ULK4: variants seen among roughly 807,000 people sequenced by gnomAD.
ULK4 encodes the protein unc-51 like kinase 4.
Under a neutral mutation model 160.6 loss-of-function variants are expected in ULK4, and 133 were observed. That is an observed-to-expected ratio of 0.83 (90% CI 0.72 to 0.96). ULK4 has a LOEUF of 0.96. Among genes scored for constraint, ULK4 ranks in the 40% least tolerant of loss-of-function variants. The pLI is 0.00. For missense variants in ULK4, 1,580 were observed against 1,499.5 expected, an observed-to-expected ratio of 1.05 and a Z score of -0.89; for synonymous variants, 534 against 539.8, an observed-to-expected ratio of 0.99 and a Z score of 0.15.
chr3:41,414,002 C>T (rs2082471335), intron 34 of ULK4, among the ~76,000 whole-genome samples: 1 of 152,102 alleles, frequency 6.6e-6, no homozygotes, highest in Admixed American at 6.5e-5. Context: ...GTCAGGAGTT[C>T]GAGACCAGCC....
intron 9 of ULK4, among the ~76,000 whole-genome samples, 168 bp downstream of exon 9, chr3:41,912,639 A>C (rs1698829377): frequency 6.6e-6 from 1 of 152,230 alleles, no homozygotes; most frequent in Admixed American, 6.5e-5. Context: ...CAAGAACATA[A>C]AAATATCATG....
chr3:41,915,288 A>G (rs146610470), intron 8 of ULK4: 15 of 152,318 alleles, frequency 9.8e-5, no homozygotes, highest in Non-Finnish European at 1.8e-4. Context: ...TTTAAAATAT[A>G]TTTAATAAAA....
intron 5 of ULK4, among the ~76,000 whole-genome samples, chr3:41,925,827 A>C (rs1446851085): frequency 1.3e-5 from 2 of 151,910 alleles, no homozygotes; most frequent in African/African-American, 4.8e-5. Context: ...GCATCTCTGA[A>C]AAAAAAAGGC....
chr3:41,844,934 T>C (rs2042029563), intron 17 of ULK4, among the ~76,000 whole-genome samples: 1 of 151,994 alleles, frequency 6.6e-6, no homozygotes, highest in Admixed American at 6.6e-5. Context: ...CAATTTTATT[T>C]GTAATTGTCA....
chr3:41,954,182 A>G (rs1700401724), intron 2 of ULK4, among the ~76,000 whole-genome samples: 1 of 150,026 alleles, frequency 6.7e-6, no homozygotes. Flanking sequence ...GTCTTAAAAA[A>G]AAAAAAAAAA....
At chr3:41,896,797 C>T (rs748630876) in intron 15 of ULK4, 25 bp downstream of exon 15, 14 of 1,591,458 alleles carry the variant, frequency 8.8e-6, no homozygotes, top group South Asian at 4.5e-5. Flanking sequence ...AATTAAAATG[C>T]ATAAGGCATG....
rs779366206 is a variant in ULK4, at chr3:41,835,882, G to C, written c.1746C>G (p.Ile582Met). The C allele has an allele frequency of 2.5e-6, 4 of 1,611,150 alleles. No individual in the cohort carries two copies. The highest frequency in any genetic ancestry group is 3.3e-5 in the Admixed American group (2 of 59,828). The change falls in exon 18 of 37, where the codon ATC becomes ATG. Residue 582 changes from isoleucine to methionine, a missense_variant. Coordinates refer to ENST00000301831, the MANE Select transcript of ULK4 (RefSeq NM_017886.4). ...GTCTCACCTGGGTGGCTACAAGATA[G>C]ATCAGCTCCCCAAGGGTTGGTAAAA... ...QCLLPTLGEL[I>M]YLVATQEEKK...
Position 41,658,728 on chromosome 3 carries a change from T to TACACACACACACACACACACACACTGTC in ULK4, c.3071+4878_3071+4879insGACAGTGTGTGTGTGTGTGTGTGTGTGT, listed in dbSNP as rs1553628688. On this transcript the variant is annotated intron_variant, in intron 30 of 36. Coordinates refer to ENST00000301831, the MANE Select transcript of ULK4 (RefSeq NM_017886.4). ...ATGCTACTGTGTATGTGAAAAACAGTACACACACACACACACACACACACA... is the reference window on the plus strand; with the variant it reads ...ATGCTACTGTGTATGTGAAAAACAGTACACACACACACACACACACACACTGTCACACACACACACACACACACACACA... Among the ~76,000 whole-genome samples the TACACACACACACACACACACACACTGTC allele has an allele frequency of 4.0e-3, 334 of 84,500 alleles. 2 individuals carry two copies. Among genetic ancestry groups the TACACACACACACACACACACACACTGTC allele is most frequent in the African/African-American group, 0.03 (260 of 8,710 alleles). The allele number at this position is 84,500 out of a possible 152,430, so 55.4% of individuals were successfully genotyped here.
intron 31 of ULK4, among the ~76,000 whole-genome samples, chr3:41,608,730 G>T (rs1332391217): frequency 6.6e-6 from 1 of 152,210 alleles, no homozygotes; most frequent in African/African-American, 2.4e-5. Flanking sequence ...AGTTAGGGAA[G>T]AAGTTCAGTG....
chr3:41,485,690 G>A (rs190184168), intron 32 of ULK4, among the ~76,000 whole-genome samples: 220 of 152,222 alleles, frequency 1.4e-3, no homozygotes, highest in African/African-American at 5.2e-3. Flanking sequence ...CAACACCAGT[G>A]CTGTCAAGTA....
intron 22 of ULK4, among the ~76,000 whole-genome samples, chr3:41,742,848 A>G (rs1022201057): frequency 6.6e-6 from 1 of 151,968 alleles, no homozygotes; most frequent in East Asian, 1.9e-4. Context: ...GATAAGCTCA[A>G]TAGTAGAGTG....
chr3:41,704,405 A>G (rs921662651), intron 27 of ULK4, among the ~76,000 whole-genome samples: 134 of 152,216 alleles, frequency 8.8e-4, no homozygotes, highest in Non-Finnish European at 1.3e-3. Flanking sequence ...ACTGCCTGGC[A>G]AAACCTGATA....
chr3:41,699,452 G>A lies in ULK4; in HGVS notation c.2781+5605C>T, dbSNP rs1036925822. 2.0e-5 allele frequency among the ~76,000 whole-genome samples: 3 copies of A among 152,132 alleles called. 1 individual carries two copies. Among genetic ancestry groups the A allele is most frequent in the African/African-American group, 7.2e-5 (3 of 41,422 alleles). The stretch of plus-strand genomic sequence containing the variant: ...GCAGCCAGAATTTTCTAATAAAGAA[G>A]TCATCTTTATTTCCCCTTTGCTATT... On this transcript the variant is annotated intron_variant, in intron 27 of 36. Coordinates refer to ENST00000301831, the MANE Select transcript of ULK4 (RefSeq NM_017886.4).
At chr3:41,652,919 G>A (rs1285186878) in intron 30 of ULK4, among the ~76,000 whole-genome samples, 1 of 152,078 alleles carries the variant, frequency 6.6e-6, no homozygotes. Flanking sequence ...TTGATTGTGG[G>A]GCTTAGGACA....
At chr3:41,930,924 A>G (rs1699572276) in intron 5 of ULK4, among the ~76,000 whole-genome samples, 1 of 151,666 alleles carries the variant, frequency 6.6e-6, no homozygotes, top group African/African-American at 2.4e-5. Flanking sequence ...TGCGGAGGAC[A>G]ATTCCTCAGG....
At chr3:41,424,528 G>T (rs1005148044) in intron 34 of ULK4, among the ~76,000 whole-genome samples, 2 of 152,134 alleles carry the variant, frequency 1.3e-5, no homozygotes, top group African/African-American at 4.8e-5. Context: ...CTGGCATTAG[G>T]TTGGTGCACC....
intron 21 of ULK4, among the ~76,000 whole-genome samples, chr3:41,784,164 G>A (rs2039933823): frequency 6.6e-6 from 1 of 152,136 alleles, no homozygotes; most frequent in Non-Finnish European, 1.5e-5. Context: ...GCCAGGCGTG[G>A]TGGCTCACAC....
intron 34 of ULK4, among the ~76,000 whole-genome samples, chr3:41,447,013 G>A (rs1021275054): frequency 1.3e-5 from 2 of 148,992 alleles, no homozygotes; most frequent in African/African-American, 4.9e-5. Flanking sequence ...GAACCCGGGA[G>A]GTGGAGGTTG....
At chr3:41,937,992 T>C (rs1046496799) in intron 3 of ULK4, 106 bp downstream of exon 3, 35 of 783,102 alleles carry the variant, frequency 4.5e-5, no homozygotes, top group East Asian at 3.0e-4. Flanking sequence ...CACAGAGCAA[T>C]AGATTTTCAA....
Sources: gnomAD v4.1 joint callset for allele counts (sites outside exome capture counted in the v4.1 genomes callset) on GRCh38, gnomAD v4.1.1 for gene constraint, MANE v1.5 for transcripts, NCBI Gene and HGNC (gene_info 2026-07-23, HGNC 2026-07-21) for gene names.